Variants in CCDC192 observed in about 807,000 individuals in gnomAD.
CCDC192 encodes the protein coiled-coil domain containing 192, also known as coiled-coil domain-containing protein 192.
chr5:127,706,526 A>G (rs1311108743), intron 1 of CCDC192, among the ~76,000 whole-genome samples: 1 of 63,104 alleles, frequency 1.6e-5, no homozygotes, highest in Non-Finnish European at 3.6e-5. Context: ...TCCATCTCAG[A>G]AAAAAAAAAA....
At chr5:127,890,054 C>G (rs1723183821) in intron 6 of CCDC192, among the ~76,000 whole-genome samples, 1 of 152,042 alleles carries the variant, frequency 6.6e-6, no homozygotes, top group Non-Finnish European at 1.5e-5. Context: ...GATGTTCCCA[C>G]CAAATGGATC....
intron 2 of CCDC192, among the ~76,000 whole-genome samples, chr5:127,713,277 A>G (rs1229898024): frequency 6.6e-6 from 1 of 151,990 alleles, no homozygotes; most frequent in Non-Finnish European, 1.5e-5. Context: ...CTTAGTTATA[A>G]CTCATTGTGG....
chr5:127,752,401 G>A (rs1030978419), intron 2 of CCDC192, among the ~76,000 whole-genome samples: 27 of 152,178 alleles, frequency 1.8e-4, no homozygotes, highest in Non-Finnish European at 2.6e-4. Context: ...CCCTGCTGGA[G>A]GGTGCCTCCC....
intron 5 of CCDC192, among the ~76,000 whole-genome samples, chr5:127,808,422 C>T (rs1174735037): frequency 1.3e-5 from 2 of 151,900 alleles, no homozygotes; most frequent in Non-Finnish European, 2.9e-5. Context: ...CCATATTGAC[C>T]CTAAGTGGTT....
intron 5 of CCDC192, among the ~76,000 whole-genome samples, chr5:127,799,691 G>A (rs746130758): frequency 2.0e-5 from 3 of 152,150 alleles, no homozygotes; most frequent in Non-Finnish European, 2.9e-5. Flanking sequence ...AATTCCTATA[G>A]TGTCTTCTTT....
At chr5:127,726,755 G>C (rs1752346780) in intron 2 of CCDC192, among the ~76,000 whole-genome samples, 1 of 152,198 alleles carries the variant, frequency 6.6e-6, no homozygotes, top group African/African-American at 2.4e-5. Context: ...TTTACGGACA[G>C]AGCTTTGATC....
rs1446363683 is a variant in CCDC192 at position 127,735,482 on chromosome 5, G to C, written c.115-18786G>C. Among the ~76,000 whole-genome samples the C allele has an allele frequency of 1.2e-4, 15 of 125,948 alleles. 1 individual carries two copies. Among genetic ancestry groups the C allele is most frequent in the African/African-American group, 3.9e-4 (12 of 30,886 alleles). The allele number at this position is 125,948 out of a possible 152,430, so 82.6% of individuals were successfully genotyped here. On this transcript the variant is annotated intron_variant, in intron 2 of 6. Transcript: ENST00000514853. Reference sequence around the variant, plus strand: ...CTTTGAAGAAAGTCATTGGTAGCTTGATGGGGATGGCATTGAATCTGTAAA... The same window carrying C: ...CTTTGAAGAAAGTCATTGGTAGCTTCATGGGGATGGCATTGAATCTGTAAA...
At chr5:127,752,049 CTTTGG>C (rs1363578597) in intron 2 of CCDC192, among the ~76,000 whole-genome samples, 5 of 152,070 alleles carry the variant, frequency 3.3e-5, no homozygotes, top group Non-Finnish European at 5.9e-5. Context: ...ACTTCTTTGC[CTTTGG>C]TTTGAACGTC....
intron 6 of CCDC192, among the ~76,000 whole-genome samples, chr5:127,885,024 T>C (rs1331770299): frequency 1.3e-5 from 2 of 152,152 alleles, no homozygotes; most frequent in African/African-American, 4.8e-5. Context: ...CTCCTTTGTT[T>C]ATAAGACTAA....
rs141917350 is a variant in CCDC192 at position 127,878,547 on chromosome 5, T to C, written c.535+2886T>C. 2.6e-5 allele frequency among the ~76,000 whole-genome samples: 4 copies of C among 152,268 alleles called. No individual in the cohort carries two copies. The East Asian group carries it at 7.7e-4, about 29-fold the overall frequency. ...GATGCATCCCTGTAATCCCAGCTAC[T>C]TGGGAGGCTGAGGCATGAGAATTGC... On this transcript the variant is annotated intron_variant, in intron 6 of 6. Coordinates refer to ENST00000514853, the MANE Select transcript of CCDC192 (RefSeq NM_001317938.2).
intron 2 of CCDC192, among the ~76,000 whole-genome samples, chr5:127,750,688 T>C (rs1298774470): frequency 8.3e-6 from 1 of 120,222 alleles, no homozygotes; most frequent in African/African-American, 3.1e-5. Context: ...TCTGTCTCGT[T>C]GATCTGTCTA....
At chr5:127,786,826 C>A in intron 3 of CCDC192, 1 of 537,618 alleles carries the variant, frequency 1.9e-6, no homozygotes, top group Non-Finnish European at 3.5e-6. Flanking sequence ...GGTGTCTGCC[C>A]CTTTTTTGAT....
upstream of CCDC192, among the ~76,000 whole-genome samples, chr5:127,702,820 A>G (rs1014683338): frequency 6.6e-6 from 1 of 152,352 alleles, no homozygotes; most frequent in East Asian, 1.9e-4. Context: ...TGGCTGGGAG[A>G]AAGTAGCTGG....
intron 3 of CCDC192, chr5:127,786,929 G>C: frequency 2.4e-6 from 1 of 410,286 alleles, no homozygotes; most frequent in Non-Finnish European, 4.7e-6. Context: ...ATCTGGACCT[G>C]GTCATGCTGT....
intron 3 of CCDC192, among the ~76,000 whole-genome samples, chr5:127,754,836 C>T (rs1335879906): frequency 1.3e-5 from 2 of 152,154 alleles, no homozygotes; most frequent in African/African-American, 4.8e-5. Flanking sequence ...ATTGACATCC[C>T]TCTTGGGTTT....
intron 3 of CCDC192, among the ~76,000 whole-genome samples, chr5:127,770,884 G>A (rs1252336724): frequency 6.6e-6 from 1 of 152,160 alleles, no homozygotes; most frequent in Non-Finnish European, 1.5e-5. Flanking sequence ...GGGCAAGGGT[G>A]GACTATAATT....
At chr5:127,758,672 G>A (rs992090271) in intron 3 of CCDC192, among the ~76,000 whole-genome samples, 26 of 152,104 alleles carry the variant, frequency 1.7e-4, no homozygotes, top group Non-Finnish European at 2.4e-4. Context: ...CTAAATGCCT[G>A]GATGTTGGGT....
Position 127,728,760 on chromosome 5 carries a change from TAA to T in CCDC192, c.114+21002_114+21003del, listed in dbSNP as rs1041931916. ...AAAAGACACAGAATGGCAGGCTGAA[TAA>T]AGAGTCAAGACCCATCAGTGTGTTG... On this transcript the variant is annotated intron_variant, in intron 2 of 6. Transcript: ENST00000514853. Among the ~76,000 whole-genome samples, 8 of 152,190 alleles carry T rather than the reference TAA, an allele frequency of 5.3e-5. No individual in the cohort carries two copies. In the South Asian group the frequency reaches 1.7e-3, roughly 32 times the overall value.
chr5:127,802,279 T>C (rs1729179496), intron 5 of CCDC192, among the ~76,000 whole-genome samples: 1 of 152,198 alleles, frequency 6.6e-6, no homozygotes, highest in Non-Finnish European at 1.5e-5. Context: ...CTGAATTGCA[T>C]TGAATTTTAT....
Sources: allele counts gnomAD v4.1 joint callset (sites outside exome capture counted in the v4.1 genomes callset), GRCh38; gene constraint gnomAD v4.1.1; transcripts MANE v1.5; gene names NCBI Gene and HGNC (gene_info 2026-07-23, HGNC 2026-07-21).